The following DNAJC25 variants were observed in gnomAD, a reference collection of about 807,000 sequenced individuals.
DNAJC25 encodes DnaJ heat shock protein family (Hsp40) member C25, also known as dnaJ homolog subfamily C member 25.
DNAJC25 carries 26 observed loss-of-function variants against 42.1 expected under a neutral mutation model. That is an observed-to-expected ratio of 0.62 (90% CI 0.45 to 0.86). The LOEUF (loss-of-function observed/expected upper bound fraction) is 0.86, where lower values mean the gene tolerates loss of function less well. Among genes scored for constraint, DNAJC25 ranks in the 40% least tolerant of loss-of-function variants. The pLI is 0.00. For missense variants in DNAJC25, 404 were observed against 459.4 expected (o/e 0.88, Z 1.10); for synonymous variants, 189 against 179.9 (o/e 1.05, Z -0.40).
chr9:111,642,116 T>TA (rs1168678561), intron 1 of DNAJC25, among the ~76,000 whole-genome samples: 2 of 139,324 alleles, frequency 1.4e-5, no homozygotes, highest in African/African-American at 5.7e-5. Context: ...GTGTGCCCAA[T>TA]AGCTCATTGA....
chr9:111,636,695 A>G (rs998563365), intron 1 of DNAJC25, among the ~76,000 whole-genome samples: 1 of 152,216 alleles, frequency 6.6e-6, no homozygotes, highest in East Asian at 1.9e-4. Context: ...CAGATGGCAT[A>G]TAGTTTCCAT....
intron 1 of DNAJC25, among the ~76,000 whole-genome samples, chr9:111,640,846 GC>G (rs1300602378): frequency 3.1e-4 from 35 of 112,220 alleles, no homozygotes; most frequent in African/African-American, 1.2e-3. Context: ...GGGGGGGCCA[GC>G]CCCCCGCCCG....
At chr9:111,644,366 G>C (rs1830532660) in intron 1 of DNAJC25, among the ~76,000 whole-genome samples, 3 of 152,174 alleles carry the variant, frequency 2.0e-5, no homozygotes, top group African/African-American at 7.2e-5. Flanking sequence ...TTGTGTTAAA[G>C]GAATTCAGGA....
At chr9:111,640,159 C>T (rs1416498371) in intron 1 of DNAJC25, among the ~76,000 whole-genome samples, 39 of 151,840 alleles carry the variant, frequency 2.6e-4, no homozygotes, top group African/African-American at 8.9e-4. Context: ...AGCCCCTAAC[C>T]GCGAGTGATC....
intron 1 of DNAJC25, among the ~76,000 whole-genome samples, chr9:111,639,928 C>T (rs13296383): frequency 1.6e-4 from 19 of 119,952 alleles, no homozygotes; most frequent in Non-Finnish European, 3.1e-4. Flanking sequence ...CTCCCTCTCC[C>T]TCTCCGTCTC....
At position 111,653,120 on chromosome 9, in the gene DNAJC25, G is replaced by A. The variant is rs1167927861; in HGVS notation, c.981G>A (p.Glu327=). 5.6e-6 allele frequency: 9 copies of A among 1,601,826 alleles called. No individual in the cohort carries two copies. The highest frequency in any genetic ancestry group is 8.5e-7 in the Non-Finnish European group (1 of 1,172,986). The part of the protein sequence containing the change: ...ENYEVYKQEQ[E]EELKKKLAND... ...TACAGGTCTACAAGCAAGAACAAGAGGAAGAATTAAAGAAAAAGTTGGCAA... is the reference window on the plus strand; with the variant it reads ...TACAGGTCTACAAGCAAGAACAAGAAGAAGAATTAAAGAAAAAGTTGGCAA... Residue 327 remains glutamate, a synonymous_variant, in exon 4 of 4, where the codon GAG becomes GAA. Coordinates refer to ENST00000313525, the MANE Select transcript of DNAJC25 (RefSeq NM_001015882.3).
chr9:111,645,179 T>C (rs938829767), intron 1 of DNAJC25, among the ~76,000 whole-genome samples: 7 of 152,178 alleles, frequency 4.6e-5, no homozygotes, highest in African/African-American at 1.7e-4. Flanking sequence ...TTTCATATAC[T>C]GGTGAGAGGT....
chr9:111,644,253 A>G (rs1281060941), intron 1 of DNAJC25, among the ~76,000 whole-genome samples: 2 of 152,200 alleles, frequency 1.3e-5, no homozygotes, highest in Admixed American at 1.3e-4. Flanking sequence ...TGAGGACTCC[A>G]TTAGGGGACC....
At chr9:111,651,560 G>T (rs1830661631) in intron 3 of DNAJC25, among the ~76,000 whole-genome samples, 1 of 152,204 alleles carries the variant, frequency 6.6e-6, no homozygotes, top group East Asian at 1.9e-4. Flanking sequence ...AAGACAGCTT[G>T]TTCATTTTGC....
At chr9:111,637,204 G>A (rs762348404) in intron 1 of DNAJC25, among the ~76,000 whole-genome samples, 2 of 152,168 alleles carry the variant, frequency 1.3e-5, no homozygotes, top group Non-Finnish European at 2.9e-5. Flanking sequence ...TTTCTAGGTT[G>A]GGAGCCTGCG....
chr9:111,641,996 C>T (rs1830480956), intron 1 of DNAJC25, among the ~76,000 whole-genome samples: 1 of 126,194 alleles, frequency 7.9e-6, no homozygotes, highest in African/African-American at 3.0e-5. Context: ...GGGGGGTCAG[C>T]CCCCCTGCCC....
At chr9:111,647,403 G>A in intron 2 of DNAJC25, 144 bp downstream of exon 2, 1 of 1,102,450 alleles carries the variant, frequency 9.1e-7, no homozygotes, top group East Asian at 2.5e-5. Context: ...GGCAATGTTG[G>A]AATCTTTGTC....
At chr9:111,645,660 T>C (rs1464798804) in intron 1 of DNAJC25, among the ~76,000 whole-genome samples, 1 of 152,222 alleles carries the variant, frequency 6.6e-6, no homozygotes. Flanking sequence ...GTTGGAGGAC[T>C]CAGAAGGTGA....
At chr9:111,635,129 A>G (rs1362016030) in intron 1 of DNAJC25, among the ~76,000 whole-genome samples, 2 of 152,252 alleles carry the variant, frequency 1.3e-5, no homozygotes, top group African/African-American at 4.8e-5. Context: ...TCAACATTGG[A>G]TCTCATGAGG....
intron 1 of DNAJC25, among the ~76,000 whole-genome samples, chr9:111,643,833 C>G (rs1248991455): frequency 6.6e-6 from 1 of 151,878 alleles, no homozygotes; most frequent in Non-Finnish European, 1.5e-5. Context: ...GAAGGATGGT[C>G]CTTCTTATTA....
intron 3 of DNAJC25, among the ~76,000 whole-genome samples, 167 bp downstream of exon 3, chr9:111,650,090 CGGT>C (rs2131269857): frequency 6.6e-6 from 1 of 152,254 alleles, no homozygotes; most frequent in South Asian, 2.1e-4. Flanking sequence ...GGTAGTGAGA[CGGT>C]GGGTTTTTAA....
chr9:111,653,078 A>T, intron 3 of DNAJC25, 22 bp from the exon 4 acceptor site: 1 of 1,565,338 alleles, frequency 6.4e-7, no homozygotes. Flanking sequence ...TTGTGAAGTC[A>T]TCTAGTTATT....
chr9:111,639,945 C>CCTCTCT, intron 1 of DNAJC25, among the ~76,000 whole-genome samples: 1 of 148,968 alleles, frequency 6.7e-6, no homozygotes, highest in South Asian at 2.1e-4. Flanking sequence ...TCTCCGTCTC[C>CCTCTCT]GTCTCCGTCT....
Position 111,652,276 on chromosome 9 carries a change from G to A in DNAJC25, c.961-824G>A, listed in dbSNP as rs557370693. Among the ~76,000 whole-genome samples, 5 of 151,836 alleles carry A rather than the reference G, an allele frequency of 3.3e-5. No individual in the cohort carries two copies. In the South Asian group the frequency reaches 1.0e-3, roughly 32 times the overall value. ...TGTAATCCCAACACTTTGGGAGGCC[G>A]AGGTAGGTGGATCACTTGAGGCCAG... is the stretch of plus-strand genomic sequence containing the variant. On this transcript the variant is annotated intron_variant, in intron 3 of 3. Coordinates refer to ENST00000313525, the MANE Select transcript of DNAJC25 (RefSeq NM_001015882.3).
Sources: gnomAD v4.1 joint callset for allele counts (sites outside exome capture counted in the v4.1 genomes callset) on GRCh38, gnomAD v4.1.1 for gene constraint, MANE v1.5 for transcripts, NCBI Gene and HGNC (gene_info 2026-07-23, HGNC 2026-07-21) for gene names.